MTAP: variants seen among roughly 807,000 people sequenced by gnomAD.
The protein encoded by MTAP is methylthioadenosine phosphorylase.
In MTAP, 33 loss-of-function variants were observed where a neutral mutation model predicts 33.6. The observed-to-expected ratio is 0.98, with a 90% CI of 0.74 to 1.31. MTAP has a LOEUF of 1.31. Ranked by LOEUF, MTAP falls within the 40% of genes most tolerant of loss-of-function variation. The pLI, the probability that MTAP is intolerant of heterozygous loss-of-function variation, is 0.00. For missense variants in MTAP, 367 were observed against 360.0 expected, an observed-to-expected ratio of 1.02 and a Z score of -0.16; for synonymous variants, 148 against 125.7, an observed-to-expected ratio of 1.18 and a Z score of -1.19.
At chr9:21,816,843 A>G in intron 3 of MTAP, 71 bp downstream of exon 3, 1 of 1,337,688 alleles carries the variant, frequency 7.5e-7, no homozygotes, top group Non-Finnish European at 1.1e-6. Context: ...TTCTGGAAAG[A>G]GTAAAGATAC....
rs772378779 is a variant in MTAP at position 21,854,775 on chromosome 9, G to A, written c.595G>A (p.Val199Ile). The change falls in exon 6 of 8, where the codon GTT becomes ATT. Residue 199 changes from valine to isoleucine, a missense_variant. Physicochemically the swap from Val to Ile is conservative, Grantham distance 29. Coordinates refer to ENST00000644715, the MANE Select transcript of MTAP (RefSeq NM_002451.4). Reference protein sequence around the residue: ...WGADVINMTTVPEVVLAKEAG... With the variant: ...WGADVINMTTIPEVVLAKEAG... ...GGCGGATGTTATCAACATGACCACAGTTCCAGAGGTGGTTCTTGCTAAGGA... is the reference window on the plus strand; with the variant it reads ...GGCGGATGTTATCAACATGACCACAATTCCAGAGGTGGTTCTTGCTAAGGA... 3.7e-6 allele frequency: 6 copies of A among 1,614,200 alleles called. No individual in the cohort carries two copies. In the Admixed American group the frequency reaches 6.7e-5, roughly 18 times the overall value.
chr9:21,934,632 C>A (rs1175409692), downstream of MTAP: 16 of 150,736 alleles, frequency 1.1e-4, no homozygotes, highest in African/African-American at 3.9e-4. The surrounding 1 kb of genome is among the most constrained non-coding windows in gnomAD (Gnocchi z 5.0). Flanking sequence ...TTAAGTACAG[C>A]GGTAAAGCAA....
intron 5 of MTAP, among the ~76,000 whole-genome samples, chr9:21,853,590 T>G (rs1275382237): frequency 6.6e-6 from 1 of 152,208 alleles, no homozygotes; most frequent in Non-Finnish European, 1.5e-5. Context: ...AGACTTTGAC[T>G]TTGAGTCACT....
downstream of MTAP, among the ~76,000 whole-genome samples, chr9:21,938,476 A>C (rs551109132): frequency 1.3e-3 from 194 of 147,474 alleles, no homozygotes; most frequent in Middle Eastern, 0.029. Flanking sequence ...AAAGAAAGAA[A>C]GAAAAAAAGA....
chr9:21,895,541 C>T (rs1033990315), intron 1 of MTAP, among the ~76,000 whole-genome samples: 6 of 152,150 alleles, frequency 3.9e-5, no homozygotes, highest in Admixed American at 2.0e-4. Context: ...TGCCAGGGGT[C>T]GGGAATTCCC....
chr9:21,820,024 T>C (rs1325963539), intron 4 of MTAP, among the ~76,000 whole-genome samples: 1 of 152,244 alleles, frequency 6.6e-6, no homozygotes, highest in Admixed American at 6.5e-5. Flanking sequence ...TTGAGTTCTT[T>C]GTAGATTCTG....
chr9:21,939,007 T>A (rs995605127), downstream of MTAP, among the ~76,000 whole-genome samples: 6 of 152,202 alleles, frequency 3.9e-5, no homozygotes, highest in Non-Finnish European at 7.3e-5. Context: ...CTCCCAGAAT[T>A]CCCACATGTT....
downstream of MTAP, among the ~76,000 whole-genome samples, chr9:21,868,972 A>G (rs908152077): frequency 1.1e-4 from 16 of 152,202 alleles, no homozygotes; most frequent in African/African-American, 3.6e-4. Flanking sequence ...AACTACTGTC[A>G]TAGATGTTTC....
chr9:21,834,270 A>T (rs1284879817), intron 4 of MTAP, among the ~76,000 whole-genome samples: 1 of 152,182 alleles, frequency 6.6e-6, no homozygotes, highest in Non-Finnish European at 1.5e-5. Context: ...GTGCAGAGAG[A>T]CGAGAGTGAC....
chr9:21,910,803 C>T (rs1818562953), intron 1 of MTAP, among the ~76,000 whole-genome samples: 1 of 152,084 alleles, frequency 6.6e-6, no homozygotes, highest in Non-Finnish European at 1.5e-5. Context: ...ATTTCCATCG[C>T]TCTCCAAAAT....
At chr9:21,876,112 C>T (rs1036940274) in intron 1 of MTAP, among the ~76,000 whole-genome samples, 4 of 152,104 alleles carry the variant, frequency 2.6e-5, no homozygotes, top group African/African-American at 4.8e-5. Flanking sequence ...TTGCATTTCT[C>T]GAATGATCAG....
intron 1 of MTAP, among the ~76,000 whole-genome samples, chr9:21,882,259 G>A (rs535324032): frequency 1.3e-3 from 203 of 151,932 alleles, no homozygotes; most frequent in African/African-American, 4.5e-3. Flanking sequence ...TTTAAGGTTC[G>A]ATAATATTTT....
chr9:21,824,489 G>A (rs570737338), intron 4 of MTAP, among the ~76,000 whole-genome samples: 70 of 152,236 alleles, frequency 4.6e-4, no homozygotes, highest in Non-Finnish European at 5.6e-4. Context: ...GTACCCAGCC[G>A]TGTGAGGTGT....
intron 1 of MTAP, among the ~76,000 whole-genome samples, chr9:21,897,964 C>T (rs1818325700): frequency 6.6e-6 from 1 of 152,168 alleles, no homozygotes; most frequent in Non-Finnish European, 1.5e-5. Flanking sequence ...AGGCATCACA[C>T]TACCTGACTT....
chr9:21,892,841 A>T (rs889682937), intron 1 of MTAP: 3 of 152,236 alleles, frequency 2.0e-5, no homozygotes, highest in Admixed American at 1.3e-4. Context: ...TCATCTGCAC[A>T]TGGCATATAG....
chr9:21,824,690 C>T (rs987129082), intron 4 of MTAP, among the ~76,000 whole-genome samples: 1 of 152,178 alleles, frequency 6.6e-6, no homozygotes, highest in Non-Finnish European at 1.5e-5. Flanking sequence ...CTATGCCCTG[C>T]CCCCAGAGTT....
At chr9:21,931,013 C>A in exon 2 of MTAP, 1 of 763,080 alleles carries the variant, frequency 1.3e-6, no homozygotes, top group South Asian at 1.3e-5. Context: ...TTTAGATGAT[C>A]AAGTTCCAGA....
At chr9:21,842,963 A>T (rs749546214) in intron 5 of MTAP, among the ~76,000 whole-genome samples, 1 of 152,212 alleles carries the variant, frequency 6.6e-6, no homozygotes, top group Non-Finnish European at 1.5e-5. Context: ...AAGAAAAGAT[A>T]CGCAATGGCA....
chr9:21,877,313 T>C (rs28849154), intron 1 of MTAP, among the ~76,000 whole-genome samples: 339 of 152,302 alleles, frequency 2.2e-3, no homozygotes, highest in African/African-American at 6.3e-3. Flanking sequence ...ACAGGGATAG[T>C]TTGACTTCCT....
Sources: allele counts gnomAD v4.1 joint callset (sites outside exome capture counted in the v4.1 genomes callset), GRCh38; gene constraint gnomAD v4.1.1; non-coding constraint Gnocchi (gnomAD v3.1); transcripts MANE v1.5; gene names NCBI Gene and HGNC (gene_info 2026-07-23, HGNC 2026-07-21).